Variants in PAXBP1 observed in about 807,000 individuals in gnomAD.
PAXBP1 encodes PAX3 and PAX7 binding protein 1.
A neutral mutation model predicts 119.9 loss-of-function variants in PAXBP1; 44 were observed. That is an observed-to-expected ratio of 0.37 (90% CI 0.29 to 0.47). The LOEUF is 0.47. Ranked by LOEUF, PAXBP1 falls within the 20% of genes least tolerant of loss-of-function variation. PAXBP1 has a pLI of 0.99. For missense variants in PAXBP1, 898 were observed against 1,134.1 expected, an observed-to-expected ratio of 0.79 and a Z score of 2.99; for synonymous variants, 393 against 406.6, an observed-to-expected ratio of 0.97 and a Z score of 0.40.
At chr21:32,758,081 A>G (rs928380284) in intron 7 of PAXBP1, among the ~76,000 whole-genome samples, 3 of 152,230 alleles carry the variant, frequency 2.0e-5, no homozygotes, top group Admixed American at 2.0e-4. Context: ...GACTGACTGG[A>G]ACCATTAAGA....
At position 32,742,664 on chromosome 21, in the gene PAXBP1, C is replaced by T. The variant is rs1020563913; in HGVS notation, c.2334+584G>A. On this transcript the variant is annotated intron_variant, in intron 15 of 17. Transcript: ENST00000331923. ...TCTAGCTTACTCAGTGCTATATCCC[C>T]GAACCTCAGAAGAGTATCTGCTACA... 4.7e-5 allele frequency: 9 copies of T among 190,022 alleles called. No homozygotes were observed. In the South Asian group the frequency reaches 5.0e-4, roughly 11 times the overall value. 11.8% of individuals were successfully genotyped at this position (190,022 alleles called of 1,614,324 possible).
chr21:32,753,294 T>TA (rs945365864), intron 8 of PAXBP1, among the ~76,000 whole-genome samples: 8 of 151,288 alleles, frequency 5.3e-5, no homozygotes, highest in South Asian at 4.2e-4. Flanking sequence ...CCGTCTCTAC[T>TA]AAAAAAAATA....
chr21:32,745,862 C>G (rs942609887), intron 11 of PAXBP1, 144 bp from the exon 12 acceptor site: 16 of 965,946 alleles, frequency 1.7e-5, no homozygotes, highest in Non-Finnish European at 2.4e-5. Flanking sequence ...TGCTACCAGA[C>G]TTCAAACTAT....
At chr21:32,739,642 C>T (rs896577460) in intron 15 of PAXBP1, among the ~76,000 whole-genome samples, 1 of 151,872 alleles carries the variant, frequency 6.6e-6, no homozygotes, top group African/African-American at 2.4e-5. Context: ...CGCGGTGGCT[C>T]ACACCTGTAA....
chr21:32,750,334 A>G (rs2043940159), intron 10 of PAXBP1, among the ~76,000 whole-genome samples: 1 of 152,194 alleles, frequency 6.6e-6, no homozygotes, highest in South Asian at 2.1e-4. Flanking sequence ...TCACTGTGCT[A>G]GTCTTTCAAA....
In PAXBP1 at chr21:32,759,285, G is replaced by T. The variant is rs1411662925; in HGVS notation, c.1194-16C>A. The T allele has an allele frequency of 1.9e-6, 3 of 1,609,610 alleles. No homozygotes were observed. Among genetic ancestry groups the T allele is most frequent in the African/African-American group, 2.7e-5 (2 of 74,626 alleles). ...GGAGTCCAACCTTAGGAACACAAAA[G>T]GATAAATATAACACATTTACATCCA... is the stretch of plus-strand genomic sequence containing the variant. On this transcript the variant is annotated splice_polypyrimidine_tract_variant and intron_variant, in intron 6 of 17. Coordinates refer to ENST00000331923, the MANE Select transcript of PAXBP1 (RefSeq NM_016631.4).
chr21:32,762,466 A>G (rs1399869200), intron 3 of PAXBP1, 149 bp from the exon 4 acceptor site: 7 of 1,124,630 alleles, frequency 6.2e-6, no homozygotes, highest in Non-Finnish European at 8.6e-6. Flanking sequence ...TCTGCAATCC[A>G]AAAGATTGTT....
At chr21:32,747,367 G>A (rs1295806037) in intron 11 of PAXBP1, among the ~76,000 whole-genome samples, 1 of 152,170 alleles carries the variant, frequency 6.6e-6, no homozygotes, top group South Asian at 2.1e-4. Context: ...GCTGAGTGGA[G>A]GAGACAGAGG....
intron 8 of PAXBP1, among the ~76,000 whole-genome samples, chr21:32,753,454 AC>A (rs1038023561): frequency 1.3e-5 from 2 of 151,052 alleles, no homozygotes; most frequent in Admixed American, 1.3e-4. Flanking sequence ...AAAACATTAT[AC>A]TTAAAACATC....
intron 3 of PAXBP1, 112 bp from the exon 4 acceptor site, chr21:32,762,429 C>G: frequency 7.3e-7 from 1 of 1,361,538 alleles, no homozygotes; most frequent in Non-Finnish European, 9.7e-7. Flanking sequence ...GATGTTTCAG[C>G]TGCTGGCACC....
At position 32,769,111 on chromosome 21, in the gene PAXBP1, C is replaced by T. The variant is rs555733862; in HGVS notation, c.472+703G>A. On this transcript the variant is annotated intron_variant, in intron 2 of 17. Coordinates refer to ENST00000331923, the MANE Select transcript of PAXBP1 (RefSeq NM_016631.4). ...TTTGAGATACAAAGCCATACTTTTT[C>T]ACAATAAGCCTGTAAGTGAGAATCT... Among the ~76,000 whole-genome samples the T allele has an allele frequency of 8.5e-5, 13 of 152,264 alleles. 1 individual carries two copies. The South Asian group carries it at 2.1e-3, about 24-fold the overall frequency.
chr21:32,771,521 C>G lies in PAXBP1; in HGVS notation c.148G>C (p.Ala50Pro), dbSNP rs2044352896. Residue 50 changes from alanine (A) to proline (P), a missense_variant, in exon 1 of 18, where the codon GCC (alanine) becomes CCC (proline). Physicochemically the swap from Ala to Pro is conservative, Grantham distance 27. Transcript: ENST00000331923. ...EEAGPGGGDR[A>P]PGGESLLGPG... ...CCCAGCAGCGACTCCCCGCCAGGGG[C>G]CCTGTCGCCGCCACCGGGGCCCGCC... 2 of 1,339,986 alleles carry G rather than the reference C, an allele frequency of 1.5e-6. No homozygotes were observed. The highest frequency in any genetic ancestry group is 4.1e-5 in the Admixed American group (1 of 24,550). 83.0% of individuals were successfully genotyped at this position (1,339,986 alleles called of 1,614,324 possible). A position where few individuals can be genotyped will look rare whatever the true frequency, so the allele number is the denominator to read the frequency against.
chr21:32,748,301 A>C (rs543125339), intron 11 of PAXBP1, among the ~76,000 whole-genome samples, 198 bp downstream of exon 11: 97 of 152,316 alleles, frequency 6.4e-4, no homozygotes, highest in African/African-American at 2.3e-3. Flanking sequence ...AACAAAAAAA[A>C]CACATAGCTC....
chr21:32,735,768 C>CT (rs1307401003), intron 17 of PAXBP1, among the ~76,000 whole-genome samples: 1 of 152,196 alleles, frequency 6.6e-6, no homozygotes, highest in Non-Finnish European at 1.5e-5. Context: ...AGGGACCACA[C>CT]TTTAAGAATG....
intron 15 of PAXBP1, among the ~76,000 whole-genome samples, chr21:32,738,648 G>A (rs544941754): frequency 1.3e-5 from 2 of 152,100 alleles, no homozygotes; most frequent in South Asian, 2.1e-4. Context: ...TTACACTCTA[G>A]CTGGTTCTAT....
intron 6 of PAXBP1, 52 bp from the exon 7 acceptor site, chr21:32,759,321 G>GC: frequency 2.0e-6 from 3 of 1,508,840 alleles, no homozygotes; most frequent in South Asian, 1.2e-5. Flanking sequence ...AAGGTCTATG[G>GC]TGTCAGGACT....
chr21:32,743,939 G>A (rs1226010513), intron 13 of PAXBP1, among the ~76,000 whole-genome samples, 185 bp from the exon 14 acceptor site: 1 of 152,044 alleles, frequency 6.6e-6, no homozygotes, highest in Non-Finnish European at 1.5e-5. Context: ...CTCAACAACT[G>A]CCAAGCAATA....
intron 8 of PAXBP1, among the ~76,000 whole-genome samples, chr21:32,753,195 A>G (rs900424940): frequency 1.3e-5 from 2 of 151,934 alleles, no homozygotes; most frequent in African/African-American, 4.8e-5. Context: ...ACGGTGGCTC[A>G]CGCCTGTAAT....
Position 32,769,909 on chromosome 21 carries a change from C to G in PAXBP1, c.377G>C (p.Ser126Thr). 1 of 1,571,970 alleles carries G rather than the reference C, an allele frequency of 6.4e-7. No individual in the cohort carries two copies. The highest frequency in any genetic ancestry group is 8.7e-7 in the Non-Finnish European group (1 of 1,155,106). Residue 126 changes from serine to threonine, a missense_variant, in exon 2 of 18, where the codon AGT (serine) becomes ACT (threonine). Physicochemically the swap from Ser to Thr is moderately conservative, Grantham distance 58 (BLOSUM62 1). Coordinates refer to ENST00000331923, the MANE Select transcript of PAXBP1 (RefSeq NM_016631.4). ...NEEVFKVKKSSYSKKIVKLLK... is the reference protein window; with the variant it reads ...NEEVFKVKKSTYSKKIVKLLK... ...CAATTTTACTATCTTTTTGCTATAACTTGATTTCTTCACTTTGAAAACTTC... is the reference window on the plus strand; with the variant it reads ...CAATTTTACTATCTTTTTGCTATAAGTTGATTTCTTCACTTTGAAAACTTC...
Sources: allele counts gnomAD v4.1 joint callset (sites outside exome capture counted in the v4.1 genomes callset), GRCh38; gene constraint gnomAD v4.1.1; transcripts MANE v1.5; gene names NCBI Gene and HGNC (gene_info 2026-07-23, HGNC 2026-07-21).